The following ATG10 variants were observed in gnomAD, a reference collection of about 807,000 sequenced individuals.
ATG10 encodes the protein autophagy related 10, also known as ubiquitin-like-conjugating enzyme ATG10.
Under a neutral mutation model 32.1 loss-of-function variants are expected in ATG10, and 30 were observed. The observed-to-expected ratio is 0.94, with a 90% CI of 0.70 to 1.27. The LOEUF (loss-of-function observed/expected upper bound fraction) is 1.27, where lower values mean the gene tolerates loss of function less well. ATG10 is among the 50% of genes most tolerant of loss of function. ATG10 has a pLI of 0.00. For synonymous variants in ATG10, 87 were observed against 91.5 expected (o/e 0.95, Z 0.28); for missense variants, 233 against 262.3 (o/e 0.89, Z 0.77).
intron 3 of ATG10, among the ~76,000 whole-genome samples, chr5:82,103,939 C>G (rs990757691): frequency 6.6e-6 from 1 of 152,102 alleles, no homozygotes; most frequent in Non-Finnish European, 1.5e-5. Flanking sequence ...TTCTTCTTAA[C>G]CTTAGATAAA....
intron 3 of ATG10, among the ~76,000 whole-genome samples, chr5:82,163,365 G>A (rs990372147): frequency 2.0e-5 from 3 of 152,284 alleles, no homozygotes; most frequent in Admixed American, 2.0e-4. Context: ...TGAACTGACT[G>A]TGAGTAGGGA....
intron 5 of ATG10, among the ~76,000 whole-genome samples, chr5:82,186,240 A>G (rs1744439012): frequency 6.6e-6 from 1 of 152,232 alleles, no homozygotes; most frequent in African/African-American, 2.4e-5. Flanking sequence ...CTGCTAATTT[A>G]TTGAATCTGA....
intron 2 of ATG10, among the ~76,000 whole-genome samples, chr5:82,055,966 T>C (rs1164465068): frequency 6.6e-6 from 1 of 152,190 alleles, no homozygotes. Context: ...ACTATGTCTA[T>C]AGCCTACGTA....
chr5:82,069,467 T>C (rs1764053113), intron 3 of ATG10, among the ~76,000 whole-genome samples: 1 of 152,182 alleles, frequency 6.6e-6, no homozygotes, highest in Non-Finnish European at 1.5e-5. Flanking sequence ...TGAATTATTT[T>C]GGGAAAAGGG....
chr5:82,167,632 G>A (rs996641743), intron 4 of ATG10, among the ~76,000 whole-genome samples: 1 of 152,168 alleles, frequency 6.6e-6, no homozygotes, highest in African/African-American at 2.4e-5. Context: ...GACTATAGGA[G>A]TAGTGGACTT....
chr5:82,156,731 CTCT>C (rs1336185964), intron 3 of ATG10, among the ~76,000 whole-genome samples: 2 of 152,286 alleles, frequency 1.3e-5, no homozygotes, highest in East Asian at 3.9e-4. Context: ...TCCCCTCTTC[CTCT>C]AGTTTGTCAT....
intron 5 of ATG10, among the ~76,000 whole-genome samples, chr5:82,215,542 C>G (rs1745643436): frequency 6.6e-6 from 1 of 152,258 alleles, no homozygotes; most frequent in Non-Finnish European, 1.5e-5. Context: ...TTAAAAAACA[C>G]TTGAATTAAA....
intron 3 of ATG10, among the ~76,000 whole-genome samples, chr5:82,119,907 AAAC>A (rs1173462131): frequency 2.6e-5 from 4 of 152,298 alleles, no homozygotes; most frequent in South Asian, 2.1e-4. Context: ...AAAAGAGACA[AAAC>A]AACAACAACA....
chr5:82,112,947 TA>T (rs1435699881), intron 3 of ATG10, among the ~76,000 whole-genome samples: 15 of 151,986 alleles, frequency 9.9e-5, no homozygotes, highest in African/African-American at 3.4e-4. Context: ...CAGATATAGT[TA>T]TTAAAATGTA....
chr5:82,201,630 T>A (rs574805787), intron 5 of ATG10, among the ~76,000 whole-genome samples: 2 of 152,346 alleles, frequency 1.3e-5, no homozygotes, highest in South Asian at 4.1e-4. Flanking sequence ...AAGGAACCTT[T>A]AACTTTCTGT....
chr5:82,180,267 C>T (rs1318973534), intron 5 of ATG10, among the ~76,000 whole-genome samples: 1 of 152,124 alleles, frequency 6.6e-6, no homozygotes, highest in East Asian at 1.9e-4. Context: ...CTCTATACTC[C>T]TCTTGTGCAG....
intron 4 of ATG10, among the ~76,000 whole-genome samples, chr5:82,167,426 A>G (rs1350783583): frequency 6.6e-6 from 1 of 152,226 alleles, no homozygotes; most frequent in East Asian, 1.9e-4. Flanking sequence ...CACAGCATCA[A>G]GTATTTGTTA....
intron 2 of ATG10, among the ~76,000 whole-genome samples, chr5:82,002,829 C>T (rs553156533): frequency 4.6e-5 from 7 of 152,266 alleles, no homozygotes; most frequent in East Asian, 1.9e-4. Context: ...AACTACCTAT[C>T]GGATACTATG....
At chr5:82,173,849 T>C (rs1743902622) in intron 4 of ATG10, among the ~76,000 whole-genome samples, 1 of 152,202 alleles carries the variant, frequency 6.6e-6, no homozygotes, top group East Asian at 1.9e-4. Context: ...ATACTTTGAA[T>C]TGAACATGCA....
chr5:82,210,763 C>T (rs1201682787), intron 5 of ATG10, among the ~76,000 whole-genome samples: 1 of 152,096 alleles, frequency 6.6e-6, no homozygotes, highest in African/African-American at 2.4e-5. Flanking sequence ...ACCTGCCCCA[C>T]CTCAAGGCAC....
chr5:81,986,256 TAGG>T (rs1761267090), intron 1 of ATG10, among the ~76,000 whole-genome samples: 1 of 152,182 alleles, frequency 6.6e-6, no homozygotes, highest in Non-Finnish European at 1.5e-5. Flanking sequence ...ATATTTATGA[TAGG>T]AGAATAAGGT....
chr5:82,030,939 G>A (rs1275687038), intron 2 of ATG10, among the ~76,000 whole-genome samples: 6 of 149,958 alleles, frequency 4.0e-5, no homozygotes, highest in African/African-American at 1.2e-4. Context: ...ATTTTTGCTT[G>A]TGACTTTTTA....
chr5:82,179,564 A>G (rs1329618835), intron 5 of ATG10, among the ~76,000 whole-genome samples: 2 of 152,178 alleles, frequency 1.3e-5, no homozygotes, highest in Admixed American at 1.3e-4. Flanking sequence ...TTGCAAAAGT[A>G]AAGGAAATAG....
chr5:82,032,172 G>A (rs1374088948), intron 2 of ATG10, among the ~76,000 whole-genome samples: 2 of 152,230 alleles, frequency 1.3e-5, no homozygotes, highest in African/African-American at 2.4e-5. Flanking sequence ...AAACGTGTAA[G>A]GAGATGATGG....
Sources: allele counts gnomAD v4.1 joint callset (sites outside exome capture counted in the v4.1 genomes callset), GRCh38; gene constraint gnomAD v4.1.1; transcripts MANE v1.5; gene names NCBI Gene and HGNC (gene_info 2026-07-23, HGNC 2026-07-21).